Variants in TPRG1 observed in about 807,000 individuals in gnomAD.
The protein encoded by TPRG1 is tumor protein p63 regulated 1.
A neutral mutation model predicts 29.3 loss-of-function variants in TPRG1; 29 were observed. That is an observed-to-expected ratio of 0.99 (90% confidence interval 0.74 to 1.35). The LOEUF (loss-of-function observed/expected upper bound fraction) is 1.35, where lower values mean the gene tolerates loss of function less well. Ranked by LOEUF, TPRG1 falls within the 40% of genes most tolerant of loss-of-function variation. The pLI, the probability that TPRG1 is intolerant of heterozygous loss-of-function variation, is 0.00. For missense variants in TPRG1, 327 were observed against 335.0 expected, an observed-to-expected ratio of 0.98 and a Z score of 0.19; for synonymous variants, 130 against 116.8, an observed-to-expected ratio of 1.11 and a Z score of -0.73.
intron 1 of TPRG1, among the ~76,000 whole-genome samples, chr3:189,202,318 A>G (rs1346116261): frequency 1.3e-5 from 2 of 152,160 alleles, no homozygotes; most frequent in Non-Finnish European, 2.9e-5. Context: ...GACCGGGGGT[A>G]GGCTAGCTCT....
chr3:189,198,555 C>T (rs567191837), intron 1 of TPRG1, among the ~76,000 whole-genome samples: 15 of 152,292 alleles, frequency 9.8e-5, no homozygotes, highest in South Asian at 4.1e-4. Context: ...TGAGGAAATG[C>T]GCACAGATAA....
intron 5 of TPRG1, among the ~76,000 whole-genome samples, chr3:189,313,673 A>G (rs1352551609): frequency 1.3e-5 from 2 of 152,204 alleles, no homozygotes; most frequent in African/African-American, 4.8e-5. Context: ...TCTTTATTCA[A>G]GAGATTTTCT....
At chr3:189,173,542 G>C (rs931436092) in intron 1 of TPRG1, among the ~76,000 whole-genome samples, 1 of 151,872 alleles carries the variant, frequency 6.6e-6, no homozygotes, top group African/African-American at 2.4e-5. Context: ...GTTTCACCAT[G>C]TTGGTCAGGC....
At chr3:189,097,386 C>A (rs1248229754), upstream of TPRG1, among the ~76,000 whole-genome samples, 2 of 152,150 alleles carry the variant, frequency 1.3e-5, no homozygotes, top group Non-Finnish European at 2.9e-5. Context: ...GTTTAAATAC[C>A]TATAGTTTGT....
At chr3:189,289,838 G>A (rs1336946169) in intron 4 of TPRG1, among the ~76,000 whole-genome samples, 1 of 152,038 alleles carries the variant, frequency 6.6e-6, no homozygotes, top group African/African-American at 2.4e-5. Context: ...ATCTACTTAT[G>A]CTTTATAAAT....
At chr3:189,126,023 C>T (rs1722445170) in intron 1 of TPRG1, among the ~76,000 whole-genome samples, 1 of 152,130 alleles carries the variant, frequency 6.6e-6, no homozygotes, top group South Asian at 2.1e-4. Flanking sequence ...TCCCTGCCAG[C>T]TCTATAAGCA....
At chr3:189,144,674 A>G (rs776358702) in intron 3 of TPRG1, among the ~76,000 whole-genome samples, 2 of 152,114 alleles carry the variant, frequency 1.3e-5, no homozygotes, top group African/African-American at 4.8e-5. Flanking sequence ...TTTGGAACAG[A>G]TCATTACACA....
intron 4 of TPRG1, among the ~76,000 whole-genome samples, chr3:189,066,685 C>T (rs1156610923): frequency 6.7e-6 from 1 of 149,456 alleles, no homozygotes. Context: ...ACAATAAAAG[C>T]CATATACAAC....
chr3:189,287,029 C>T (rs9682650), intron 4 of TPRG1, among the ~76,000 whole-genome samples: 13,397 of 152,040 alleles, frequency 0.088, 806 homozygotes, highest in East Asian at 0.15. Flanking sequence ...TGATGGCTCA[C>T]GGAGGGCAGC....
At chr3:189,147,171 A>G (rs1218756459) in intron 3 of TPRG1, among the ~76,000 whole-genome samples, 1 of 152,176 alleles carries the variant, frequency 6.6e-6, no homozygotes, top group Non-Finnish European at 1.5e-5. Flanking sequence ...AAGAGGAGGG[A>G]AGAGTTATCC....
chr3:189,174,862 A>G (rs1729275929), intron 1 of TPRG1, among the ~76,000 whole-genome samples: 1 of 152,216 alleles, frequency 6.6e-6, no homozygotes. Flanking sequence ...CAATCGATCA[A>G]TGGCATAAAA....
chr3:189,317,474 G>A (rs922222280), intron 5 of TPRG1, among the ~76,000 whole-genome samples: 4 of 152,182 alleles, frequency 2.6e-5, no homozygotes, highest in African/African-American at 9.7e-5. Context: ...TCCATTCACA[G>A]CGTGTATACA....
At chr3:189,203,535 G>A (rs1481421017) in intron 1 of TPRG1, among the ~76,000 whole-genome samples, 1 of 152,134 alleles carries the variant, frequency 6.6e-6, no homozygotes, top group African/African-American at 2.4e-5. Flanking sequence ...AGATACAACT[G>A]TTAATCTCGT....
intron 4 of TPRG1, among the ~76,000 whole-genome samples, chr3:189,289,006 G>A (rs1168534581): frequency 6.6e-6 from 1 of 152,198 alleles, no homozygotes; most frequent in Non-Finnish European, 1.5e-5. Flanking sequence ...CCGATGTACT[G>A]TGTATTAGAG....
intron 4 of TPRG1, among the ~76,000 whole-genome samples, chr3:189,294,949 C>T (rs1719646643): frequency 6.6e-6 from 1 of 152,164 alleles, no homozygotes; most frequent in Admixed American, 6.5e-5. Flanking sequence ...GTGTGCTGCA[C>T]CCATTAACTC....
intron 1 of TPRG1, among the ~76,000 whole-genome samples, chr3:189,123,154 G>T (rs1441098887): frequency 6.6e-6 from 1 of 152,198 alleles, no homozygotes; most frequent in African/African-American, 2.4e-5. Context: ...TTACTGAAGA[G>T]AAATAGCCCC....
intron 3 of TPRG1, among the ~76,000 whole-genome samples, chr3:189,140,511 C>G (rs759447599): frequency 6.6e-6 from 1 of 152,182 alleles, no homozygotes; most frequent in Non-Finnish European, 1.5e-5. Context: ...AACCCTATTC[C>G]CAAATCTGAT....
chr3:189,136,736 A>G (rs1351276679), intron 3 of TPRG1, among the ~76,000 whole-genome samples: 1 of 152,226 alleles, frequency 6.6e-6, no homozygotes, highest in African/African-American at 2.4e-5. Context: ...TTGCCAAAGT[A>G]TCTTCCAGTA....
At chr3:189,255,463 G>C (rs569924984) in intron 4 of TPRG1, among the ~76,000 whole-genome samples, 34 of 152,268 alleles carry the variant, frequency 2.2e-4, no homozygotes, top group African/African-American at 7.9e-4. Flanking sequence ...ATGTTCATCA[G>C]GGATATTGGC....
Sources: allele counts gnomAD v4.1 joint callset (sites outside exome capture counted in the v4.1 genomes callset), GRCh38; gene constraint gnomAD v4.1.1; transcripts MANE v1.5; gene names NCBI Gene and HGNC (gene_info 2026-07-23, HGNC 2026-07-21).